The following HDAC4 variants were observed in gnomAD, a reference collection of about 807,000 sequenced individuals.
HDAC4 encodes histone deacetylase 4.
A neutral mutation model predicts 135.1 loss-of-function variants in HDAC4; 16 were observed. That is an observed-to-expected ratio of 0.12 (90% CI 0.08 to 0.18). The LOEUF (loss-of-function observed/expected upper bound fraction) is 0.18. HDAC4 is among the 10% of genes least tolerant of loss of function. HDAC4 has a pLI of 1.00. For synonymous variants in HDAC4, 685 were observed against 653.4 expected (o/e 1.05, Z -0.74); for missense variants, 1,143 against 1,511.8 (o/e 0.76, Z 4.05).
chr2:239,102,528 T>C (rs2037760267), intron 16 of HDAC4: 1 of 511,220 alleles, frequency 2.0e-6, no homozygotes, highest in Non-Finnish European at 3.6e-6. Context: ...ACCTAAACTC[T>C]GATTCAAGAT....
intron 5 of HDAC4, among the ~76,000 whole-genome samples, chr2:239,165,649 A>G (rs2043081873): frequency 6.6e-6 from 1 of 152,240 alleles, no homozygotes. Context: ...GAGAACACAA[A>G]GGCGGCCAGG....
intron 2 of HDAC4, among the ~76,000 whole-genome samples, chr2:239,246,267 A>C (rs546356539): frequency 6.6e-6 from 1 of 152,078 alleles, no homozygotes; most frequent in African/African-American, 2.4e-5. Flanking sequence ...TTACTCGGGG[A>C]TTTTCCCAGG....
At chr2:239,110,764 C>T (rs1239363858) in intron 14 of HDAC4, among the ~76,000 whole-genome samples, 1 of 152,254 alleles carries the variant, frequency 6.6e-6, no homozygotes, top group Non-Finnish European at 1.5e-5. Context: ...TGCCTCTGTG[C>T]TTGTCTCAGA....
rs1300007440 is a variant in HDAC4, at chr2:239,306,260, A to C, written c.22+46418T>G. On this transcript the variant is annotated intron_variant, in intron 2 of 26. Coordinates refer to ENST00000543185, the MANE Select transcript of HDAC4 (RefSeq NM_001378414.1). This position sits in a 1 kb window ranked among gnomAD's most constrained non-coding sequence, Gnocchi z 4.5. ...ATCTTTTCATACATTTAGAAGGCAA[A>C]AAAAGTTCATCTTTCTAGTGATTCC... Among the ~76,000 whole-genome samples the C allele has an allele frequency of 6.6e-6, 1 of 152,142 alleles. No individual in the cohort carries two copies. The highest frequency in any genetic ancestry group is 1.5e-5 in the Non-Finnish European group (1 of 68,018).
At chr2:239,083,909 C>T (rs530506013) in intron 20 of HDAC4, among the ~76,000 whole-genome samples, 5 of 152,358 alleles carry the variant, frequency 3.3e-5, no homozygotes, top group East Asian at 1.9e-4. Context: ...TGGCCCTGGC[C>T]GCTGCCGTCA....
chr2:239,087,443 G>T, intron 19 of HDAC4, 116 bp downstream of exon 19: 1 of 996,220 alleles, frequency 1.0e-6, no homozygotes, highest in Non-Finnish European at 1.5e-6. Context: ...GCACATCCTG[G>T]GTGGCCAGCA....
chr2:239,362,713 T>C (rs1242986728), intron 1 of HDAC4, among the ~76,000 whole-genome samples: 1 of 151,876 alleles, frequency 6.6e-6, no homozygotes, highest in Non-Finnish European at 1.5e-5. Context: ...ATACACATCA[T>C]CTCCTGGGCA....
At chr2:239,336,172 T>A (rs1025643472) in intron 2 of HDAC4, among the ~76,000 whole-genome samples, 1 of 151,994 alleles carries the variant, frequency 6.6e-6, no homozygotes, top group African/African-American at 2.4e-5. Flanking sequence ...CAGGAGAAAC[T>A]CATGTTAGAA....
At chr2:239,082,024 G>A in intron 21 of HDAC4, 78 bp downstream of exon 21, 11 of 1,503,236 alleles carry the variant, frequency 7.3e-6, no homozygotes, top group Non-Finnish European at 9.2e-6. Flanking sequence ...GGCAGCTGTG[G>A]ACCGTCTGCC....
intron 11 of HDAC4, among the ~76,000 whole-genome samples, chr2:239,131,198 G>A (rs1342657373): frequency 2.0e-5 from 3 of 152,228 alleles, no homozygotes; most frequent in Admixed American, 2.0e-4. Context: ...GAGGTATGTG[G>A]CGTGTAGGAG....
chr2:239,161,009 C>T (rs1006026463), intron 6 of HDAC4, among the ~76,000 whole-genome samples: 5 of 152,182 alleles, frequency 3.3e-5, no homozygotes, highest in African/African-American at 1.2e-4. Context: ...GGCTGCTTGC[C>T]GCAGTTTTGA....
intron 2 of HDAC4, among the ~76,000 whole-genome samples, chr2:239,284,715 G>T (rs2051034326): frequency 6.6e-6 from 1 of 152,158 alleles, no homozygotes; most frequent in Admixed American, 6.5e-5. Context: ...GCACCAGACG[G>T]TGAGCGCCCA....
At chr2:239,165,889 A>G (rs1266359460) in intron 5 of HDAC4, among the ~76,000 whole-genome samples, 1 of 152,172 alleles carries the variant, frequency 6.6e-6, no homozygotes, top group African/African-American at 2.4e-5. Context: ...TTAATAAGCC[A>G]TCATTTTAAT....
intron 2 of HDAC4, among the ~76,000 whole-genome samples, chr2:239,327,537 C>G (rs1056891521): frequency 5.3e-5 from 8 of 152,236 alleles, no homozygotes; most frequent in African/African-American, 1.9e-4. Flanking sequence ...ATTCATGAAA[C>G]TCCCTTAAAT....
chr2:239,153,697 T>A (rs1220558599), intron 7 of HDAC4, among the ~76,000 whole-genome samples: 2 of 152,130 alleles, frequency 1.3e-5, no homozygotes, highest in Non-Finnish European at 2.9e-5. Context: ...TTTCCCGGAG[T>A]GTGAAAACAG....
chr2:239,327,628 C>A (rs2125799875), intron 2 of HDAC4, among the ~76,000 whole-genome samples: 1 of 152,368 alleles, frequency 6.6e-6, no homozygotes, highest in East Asian at 1.9e-4. Flanking sequence ...AGCCCCCAGC[C>A]AGCCAGCCCA....
chr2:239,328,323 A>C (rs757037759), intron 2 of HDAC4, among the ~76,000 whole-genome samples: 21 of 152,310 alleles, frequency 1.4e-4, no homozygotes, highest in Middle Eastern at 3.4e-3. Context: ...GGCAGGATGA[A>C]TGTAGTCCGG....
intron 2 of HDAC4, among the ~76,000 whole-genome samples, chr2:239,319,217 T>C (rs1007904197): frequency 3.3e-5 from 5 of 152,144 alleles, no homozygotes; most frequent in African/African-American, 1.2e-4. Context: ...GCAAGTAATA[T>C]CCACATATAG....
intron 2 of HDAC4, among the ~76,000 whole-genome samples, chr2:239,242,227 G>GGGAAGGGA (rs1343383716): frequency 7.6e-6 from 1 of 132,226 alleles, no homozygotes; most frequent in African/African-American, 3.1e-5. Flanking sequence ...GAGGAAGGAG[G>GGGAAGGGA]GGAAGGGAGG....
Sources: gnomAD v4.1 joint callset for allele counts (sites outside exome capture counted in the v4.1 genomes callset) on GRCh38, gnomAD v4.1.1 for gene constraint, Gnocchi (gnomAD v3.1) non-coding constraint, MANE v1.5 for transcripts, NCBI Gene and HGNC (gene_info 2026-07-23, HGNC 2026-07-21) for gene names.